PKHD1L1: variants seen among roughly 807,000 people sequenced by gnomAD.
PKHD1L1 encodes the protein PKHD1 like 1, also known as fibrocystin-L.
A neutral mutation model predicts 462.9 loss-of-function variants in PKHD1L1; 434 were observed. That is an observed-to-expected ratio of 0.94 (90% confidence interval 0.87 to 1.02). The LOEUF (loss-of-function observed/expected upper bound fraction) is 1.02. Among genes scored for constraint, PKHD1L1 ranks in the 50% least tolerant of loss-of-function variants. The pLI, the probability that PKHD1L1 is intolerant of heterozygous loss-of-function variation, is 0.00. For synonymous variants in PKHD1L1, 1,781 were observed against 1,750.0 expected, an observed-to-expected ratio of 1.02 and a Z score of -0.44; for missense variants, 5,202 against 5,096.1, an observed-to-expected ratio of 1.02 and a Z score of -0.63.
intron 45 of PKHD1L1, among the ~76,000 whole-genome samples, chr8:109,455,098 G>A (rs1816746906): frequency 6.6e-6 from 1 of 152,172 alleles, no homozygotes; most frequent in Non-Finnish European, 1.5e-5. Flanking sequence ...AGCACCTGGG[G>A]AAGCCAAAGC....
intron 2 of PKHD1L1, among the ~76,000 whole-genome samples, chr8:109,369,019 G>A (rs1247039367): frequency 6.7e-6 from 1 of 149,680 alleles, no homozygotes; most frequent in East Asian, 2.0e-4. Context: ...CACTCTTGTT[G>A]CCCAGGCTGG....
intron 70 of PKHD1L1, among the ~76,000 whole-genome samples, chr8:109,509,741 G>C (rs1435097589): frequency 1.3e-5 from 2 of 151,734 alleles, no homozygotes; most frequent in African/African-American, 4.8e-5. Flanking sequence ...TTTAAAAGTA[G>C]GATTTATATT....
At chr8:109,504,880 G>A (rs189114238) in intron 68 of PKHD1L1, among the ~76,000 whole-genome samples, 6 of 152,138 alleles carry the variant, frequency 3.9e-5, no homozygotes, top group Non-Finnish European at 5.9e-5. Flanking sequence ...TTGAGCCCAG[G>A]AGTTTGAGGA....
Position 109,461,911 on chromosome 8 carries a change from G to A in PKHD1L1, c.7383+3G>A. On this transcript the variant is annotated splice_donor_region_variant and intron_variant, in intron 48 of 77. Transcript: ENST00000378402. ...CTGGGAGAATAGAATATGTAGAGGT[G>A]AGAGGCATTATTACTAAATCACAGT... 6.3e-7 allele frequency: 1 copy of A among 1,594,916 alleles called. No homozygotes were observed. Among genetic ancestry groups the A allele is most frequent in the South Asian group, 1.1e-5 (1 of 87,562 alleles).
intron 50 of PKHD1L1, 59 bp downstream of exon 50, chr8:109,466,828 C>A: frequency 6.9e-7 from 1 of 1,445,814 alleles, no homozygotes; most frequent in Non-Finnish European, 9.3e-7. Context: ...AAACTTTTGT[C>A]ATCATCTTCT....
chr8:109,400,805 A>G (rs1366406371), intron 13 of PKHD1L1, among the ~76,000 whole-genome samples: 1 of 152,120 alleles, frequency 6.6e-6, no homozygotes, highest in Non-Finnish European at 1.5e-5. Context: ...TATGACCACA[A>G]ATAATACTCT....
rs958717745 is a variant in PKHD1L1, at chr8:109,477,082, G to T, written c.8918-143G>T. Reference sequence around the variant, plus strand: ...TATCTTTATAATACATACATTATCAGAATTTCTCCATACCTCTTCCATACA... The same window carrying T: ...TATCTTTATAATACATACATTATCATAATTTCTCCATACCTCTTCCATACA... On this transcript the variant is annotated intron_variant, in intron 52 of 77. Coordinates refer to ENST00000378402, the MANE Select transcript of PKHD1L1 (RefSeq NM_177531.6). The T allele has an allele frequency of 2.0e-5, 14 of 695,632 alleles. No individual in the cohort carries two copies. The African/African-American group carries it at 2.5e-4, about 13-fold the overall frequency. 43.1% of individuals were successfully genotyped at this position (695,632 alleles called of 1,614,324 possible). A position where few individuals can be genotyped will look rare whatever the true frequency, so the allele number is the denominator to read the frequency against.
intron 21 of PKHD1L1, among the ~76,000 whole-genome samples, chr8:109,415,172 T>G (rs1272132874): frequency 1.3e-5 from 2 of 151,548 alleles, no homozygotes; most frequent in African/African-American, 4.9e-5. Flanking sequence ...CCAGCTAATT[T>G]TTTTGTTTTT....
At chr8:109,481,921 G>A (rs1818294438) in intron 56 of PKHD1L1, among the ~76,000 whole-genome samples, 1 of 151,628 alleles carries the variant, frequency 6.6e-6, no homozygotes, top group Non-Finnish European at 1.5e-5. Context: ...GCAATACTAT[G>A]TTTCACATTT....
intron 62 of PKHD1L1, 70 bp downstream of exon 62, chr8:109,492,064 T>C (rs1818857885): frequency 8.2e-7 from 1 of 1,218,228 alleles, no homozygotes; most frequent in Admixed American, 2.9e-5. Flanking sequence ...TCTAATAAAA[T>C]GAGCTAACTA....
At chr8:109,418,608 A>C (rs1459125655) in intron 21 of PKHD1L1, among the ~76,000 whole-genome samples, 2 of 152,192 alleles carry the variant, frequency 1.3e-5, no homozygotes, top group Non-Finnish European at 2.9e-5. Context: ...ATATCTACAA[A>C]TAACACCCTT....
rs1815007938 is a variant in PKHD1L1 at position 109,430,057 on chromosome 8, C to T, written c.3229+20C>T. 6.7e-7 allele frequency: 1 copy of T among 1,499,764 alleles called. No individual in the cohort carries two copies. Among genetic ancestry groups the T allele is most frequent in the South Asian group, 1.2e-5 (1 of 85,682 alleles). 92.9% of individuals were successfully genotyped at this position (1,499,764 alleles called of 1,614,324 possible). On this transcript the variant is annotated intron_variant, in intron 27 of 77. Coordinates refer to ENST00000378402, the MANE Select transcript of PKHD1L1 (RefSeq NM_177531.6). ...CTCAAGGTAACTTCCTGATTTTTAA[C>T]CTATACTGGGTGTGAAAGATAATCA...
At chr8:109,478,566 G>C (rs775722780) in intron 53 of PKHD1L1, among the ~76,000 whole-genome samples, 25 of 152,032 alleles carry the variant, frequency 1.6e-4, no homozygotes, top group Non-Finnish European at 3.2e-4. Flanking sequence ...GGAAGAGCTC[G>C]CTGCGTGAAG....
Position 109,475,090 on chromosome 8 carries a change from T to C in PKHD1L1, c.8606-28T>C, listed in dbSNP as rs926286223. On this transcript the variant is annotated intron_variant, in intron 50 of 77. Coordinates refer to ENST00000378402, the MANE Select transcript of PKHD1L1 (RefSeq NM_177531.6). The stretch of plus-strand genomic sequence containing the variant: ...GTTTATTAGAGGTAGAGATTACTAT[T>C]ATTTTCTTGTTCTATGTTCTCCTAT... 8 of 1,558,826 alleles carry C rather than the reference T, an allele frequency of 5.1e-6. No individual in the cohort carries two copies. The African/African-American group carries it at 8.3e-5, about 16-fold the overall frequency.
intron 53 of PKHD1L1, among the ~76,000 whole-genome samples, chr8:109,478,083 CATG>C (rs982044326): frequency 5.9e-5 from 9 of 152,030 alleles, no homozygotes; most frequent in Non-Finnish European, 1.0e-4. Context: ...ACTGACAAAA[CATG>C]ATGATGATGC....
intron 2 of PKHD1L1, among the ~76,000 whole-genome samples, chr8:109,375,205 T>A (rs1000594178): frequency 5.9e-5 from 9 of 152,210 alleles, no homozygotes; most frequent in Admixed American, 1.3e-4. Context: ...CATTTCTTTT[T>A]ATTCTTTTTT....
rs1204775842 is a variant in PKHD1L1 at position 109,445,313 on chromosome 8, T to C, written c.5444T>C (p.Val1815Ala). Reference sequence around the variant, plus strand: ...GTTGGACATCATTCTGTTAGTGTTGTGGTGGGAAGTAAAGGCTTGGCTCTG... The same window carrying C: ...GTTGGACATCATTCTGTTAGTGTTGCGGTGGGAAGTAAAGGCTTGGCTCTG... ...LPVGHHSVSV[V>A]VGSKGLALGN... is the part of the protein sequence containing the mutation. The change falls in exon 38 of 78, where the codon GTG becomes GCG. Residue 1815 changes from valine (V) to alanine (A), a missense_variant. Physicochemically the swap from Val to Ala is moderately conservative, Grantham distance 64. This residue lies in a region of PKHD1L1 where 4,497 missense variants were observed against 4,336.8 expected (regional missense o/e 1.04). Coordinates refer to ENST00000378402, the MANE Select transcript of PKHD1L1 (RefSeq NM_177531.6). 1 of 1,613,822 alleles carries C rather than the reference T, an allele frequency of 6.2e-7. No homozygotes were observed. The highest frequency in any genetic ancestry group is 8.5e-7 in the Non-Finnish European group (1 of 1,179,882).
intron 38 of PKHD1L1, 130 bp downstream of exon 38, chr8:109,445,775 T>A: frequency 1.0e-6 from 1 of 985,264 alleles, no homozygotes; most frequent in Non-Finnish European, 1.5e-6. Flanking sequence ...ACTTAATACC[T>A]GGGATTCAAG....
intron 45 of PKHD1L1, among the ~76,000 whole-genome samples, chr8:109,455,974 C>G (rs1015736057): frequency 3.3e-5 from 5 of 152,090 alleles, no homozygotes; most frequent in Non-Finnish European, 7.4e-5. Context: ...TATCACACCC[C>G]ATTTACATTG....
Sources: allele counts gnomAD v4.1 joint callset (sites outside exome capture counted in the v4.1 genomes callset), GRCh38; gene constraint gnomAD v4.1.1; regional missense constraint gnomAD v4.1.1; transcripts MANE v1.5; gene names NCBI Gene and HGNC (gene_info 2026-07-23, HGNC 2026-07-21).